MSRA: variants seen among roughly 807,000 people sequenced by gnomAD.
MSRA encodes the protein mitochondrial peptide methionine sulfoxide reductase.
MSRA carries 54 observed loss-of-function variants against 31.3 expected under a neutral mutation model. That is an observed-to-expected ratio of 1.73 (90% CI 1.39 to 2.17). MSRA has a LOEUF of 2.17. Ranked by LOEUF, MSRA falls within the 30% of genes most tolerant of loss-of-function variation. The pLI is 0.00. For missense variants in MSRA, 507 were observed against 300.9 expected (o/e 1.69, Z -5.07); for synonymous variants, 169 against 116.5 (o/e 1.45, Z -2.90).
chr8:10,396,907 A>G (rs912253549), intron 5 of MSRA, among the ~76,000 whole-genome samples: 1 of 152,214 alleles, frequency 6.6e-6, no homozygotes, highest in Non-Finnish European at 1.5e-5. Context: ...TCTGTGCTCC[A>G]AGGCATGACC....
At chr8:10,063,647 G>T (rs2628138) in intron 1 of MSRA, among the ~76,000 whole-genome samples, 4 of 151,936 alleles carry the variant, frequency 2.6e-5, no homozygotes, top group African/African-American at 9.7e-5. Context: ...TAGTGCCCTT[G>T]TAAAAGAGAC....
intron 5 of MSRA, among the ~76,000 whole-genome samples, chr8:10,356,966 T>C (rs1804546732): frequency 6.6e-6 from 1 of 152,130 alleles, no homozygotes; most frequent in Non-Finnish European, 1.5e-5. Flanking sequence ...TCTTCCTTCT[T>C]TTTTCCTGTG....
At chr8:10,115,356 G>C (rs73528959) in intron 1 of MSRA, among the ~76,000 whole-genome samples, 11,968 of 152,252 alleles carry the variant, frequency 0.079, 627 homozygotes, top group African/African-American at 0.15. Context: ...GGACAGAGCT[G>C]GCTGTGATGC....
intron 5 of MSRA, among the ~76,000 whole-genome samples, chr8:10,421,806 C>G (rs560589820): frequency 1.3e-5 from 2 of 152,184 alleles, no homozygotes; most frequent in Admixed American, 1.3e-4. Context: ...GGGGCTCCAT[C>G]ACAACTTACA....
At chr8:10,334,127 G>A (rs1168915808) in intron 5 of MSRA, among the ~76,000 whole-genome samples, 1 of 151,228 alleles carries the variant, frequency 6.6e-6, no homozygotes, top group Non-Finnish European at 1.5e-5. Flanking sequence ...TCCTGCCTGC[G>A]TTAATATCAT....
At chr8:10,300,148 G>GTGTT (rs1283206786) in intron 3 of MSRA, among the ~76,000 whole-genome samples, 1 of 152,142 alleles carries the variant, frequency 6.6e-6, no homozygotes, top group African/African-American at 2.4e-5. Flanking sequence ...GTGTGTGTGT[G>GTGTT]TGCACGCGTG....
At chr8:10,349,980 C>T (rs1375014483) in intron 5 of MSRA, among the ~76,000 whole-genome samples, 1 of 152,260 alleles carries the variant, frequency 6.6e-6, no homozygotes, top group Non-Finnish European at 1.5e-5. Flanking sequence ...CTTCCAGCTA[C>T]CGCTGAAGCT....
intron 1 of MSRA, among the ~76,000 whole-genome samples, chr8:10,182,521 G>A (rs562777081): frequency 6.6e-6 from 1 of 152,132 alleles, no homozygotes; most frequent in Non-Finnish European, 1.5e-5. Flanking sequence ...CTGCTTCCAG[G>A]CTCACTTGTG....
chr8:10,145,558 C>G (rs2129033334), intron 1 of MSRA, among the ~76,000 whole-genome samples: 1 of 152,290 alleles, frequency 6.6e-6, no homozygotes, highest in Non-Finnish European at 1.5e-5. Context: ...TGTGAGCACT[C>G]CATCCACGGG....
chr8:10,068,262 T>C (rs918669439), intron 1 of MSRA, among the ~76,000 whole-genome samples: 3 of 152,228 alleles, frequency 2.0e-5, no homozygotes, highest in African/African-American at 7.2e-5. Context: ...TTTCCCAGCC[T>C]GTGGCTTGTC....
rs200972772 is a variant in MSRA at position 10,343,204 on chromosome 8, G to T, written c.543+23215G>T. ...TGTTCCTTTTCCCAGCAACCTTCAG[G>T]CTTGCTCAGCAGCATCGCAGGGGAA... is the stretch of plus-strand genomic sequence containing the variant. On this transcript the variant is annotated intron_variant, in intron 5 of 5. Transcript: ENST00000317173. Among the ~76,000 whole-genome samples, 20 of 152,148 alleles carry T rather than the reference G, an allele frequency of 1.3e-4. No individual in the cohort carries two copies. In the East Asian group the frequency reaches 3.1e-3, roughly 23 times the overall value.
intron 5 of MSRA, among the ~76,000 whole-genome samples, chr8:10,389,668 C>T (rs1164393971): frequency 1.3e-5 from 2 of 151,834 alleles, no homozygotes; most frequent in Non-Finnish European, 2.9e-5. Context: ...GGAACCCTGC[C>T]ATCCTCTCTC....
intron 5 of MSRA, among the ~76,000 whole-genome samples, chr8:10,370,204 T>C (rs186542980): frequency 4.0e-4 from 61 of 152,360 alleles, no homozygotes; most frequent in African/African-American, 1.4e-3. Flanking sequence ...TGGAAGCCAT[T>C]ATGTTCAAAG....
intron 3 of MSRA, among the ~76,000 whole-genome samples, chr8:10,251,121 T>C (rs1585276346): frequency 6.6e-6 from 1 of 152,172 alleles, no homozygotes. Context: ...CTTTTCCAAA[T>C]GCGTGTGATT....
At chr8:10,219,666 C>T (rs7018451) in intron 2 of MSRA, among the ~76,000 whole-genome samples, 2,639 of 151,560 alleles carry the variant, frequency 0.017, 88 homozygotes, top group African/African-American at 0.06. Flanking sequence ...ATTAGCTGGG[C>T]GTGGCGGCGG....
At chr8:10,072,074 A>C (rs941706998) in intron 1 of MSRA, among the ~76,000 whole-genome samples, 2 of 14,618 alleles carry the variant, frequency 1.4e-4, no homozygotes, top group Non-Finnish European at 1.2e-3. Flanking sequence ...AGATAGAGCA[A>C]TGAGGTTGGC....
intron 2 of MSRA, among the ~76,000 whole-genome samples, chr8:10,210,907 T>A (rs1041398138): frequency 1.4e-4 from 21 of 151,872 alleles, no homozygotes; most frequent in Non-Finnish European, 2.1e-4. Context: ...CTTTTTTTTT[T>A]TTATTTTTAG....
intron 1 of MSRA, among the ~76,000 whole-genome samples, chr8:10,065,334 C>G (rs115765744): frequency 1.2e-3 from 184 of 152,306 alleles, no homozygotes; most frequent in African/African-American, 4.3e-3. Flanking sequence ...GGCCCATCCT[C>G]AGAATGTAAG....
In MSRA at chr8:10,286,252, A is replaced by G. The variant is rs747964416; in HGVS notation, c.332-15282A>G. ...ATTGATATGGTTTGACTGTATCCCC[A>G]CCCAGATCTCATCTTGAATTCCCAT... On this transcript the variant is annotated intron_variant, in intron 3 of 5. Transcript: ENST00000317173. 5.3e-5 allele frequency among the ~76,000 whole-genome samples: 8 copies of G among 152,268 alleles called. No homozygotes were observed. In the East Asian group the frequency reaches 1.5e-3, roughly 29 times the overall value.
Sources: allele counts gnomAD v4.1 joint callset (sites outside exome capture counted in the v4.1 genomes callset), GRCh38; gene constraint gnomAD v4.1.1; transcripts MANE v1.5; gene names NCBI Gene and HGNC (gene_info 2026-07-23, HGNC 2026-07-21).